The following ITPR1 variants were observed in gnomAD, a reference collection of about 807,000 sequenced individuals.
ITPR1 encodes the protein inositol 1,4,5-trisphosphate-gated calcium channel ITPR1.
In ITPR1, 96 loss-of-function variants were observed where a neutral mutation model predicts 318.4. That is an observed-to-expected ratio of 0.30 (90% CI 0.26 to 0.36). ITPR1 has a LOEUF of 0.36. Ranked by LOEUF, ITPR1 falls within the 10% of genes least tolerant of loss-of-function variation. ITPR1 has a pLI of 1.00. For missense variants in ITPR1, 2,440 were observed against 3,460.2 expected, an observed-to-expected ratio of 0.71 and a Z score of 7.40; for synonymous variants, 1,312 against 1,289.9, an observed-to-expected ratio of 1.02 and a Z score of -0.37.
At chr3:4,612,856 C>T (rs1295236498) in intron 4 of ITPR1, among the ~76,000 whole-genome samples, 1 of 152,190 alleles carries the variant, frequency 6.6e-6, no homozygotes, top group Non-Finnish European at 1.5e-5. Flanking sequence ...TCCTGCACTC[C>T]AGCCTGGGTG....
In ITPR1 at chr3:4,721,172, GTATA is replaced by G. The variant is rs5846332; in HGVS notation, c.5136+3801_5136+3804del. Among the ~76,000 whole-genome samples, 353 of 125,064 alleles carry G rather than the reference GTATA, an allele frequency of 2.8e-3. 15 individuals are homozygous for G. The highest frequency in any genetic ancestry group is 0.026 in the South Asian group (105 of 4,000). The allele number at this position is 125,064 out of a possible 152,430, so 82.0% of individuals were successfully genotyped here. A position where few individuals can be genotyped will look rare whatever the true frequency, so the allele number is the denominator to read the frequency against. On this transcript the variant is annotated intron_variant, in intron 40 of 61. Transcript: ENST00000649015. ...TGTGTGTAGATACGTGTGTGTGCGT[GTATA>G]TATATATATATATATATATATATAT... is the stretch of plus-strand genomic sequence containing the variant.
At chr3:4,605,356 C>T (rs192767005) in intron 4 of ITPR1, among the ~76,000 whole-genome samples, 3 of 152,196 alleles carry the variant, frequency 2.0e-5, no homozygotes, top group African/African-American at 7.2e-5. Flanking sequence ...AGTACCTGAT[C>T]CTAAGCCAGA....
In ITPR1 at chr3:4,683,703, A is replaced by C; in HGVS notation, c.3403A>C (p.Ile1135Leu). 6.2e-7 allele frequency: 1 copy of C among 1,614,080 alleles called. No homozygotes were observed. The highest frequency in any genetic ancestry group is 8.5e-7 in the Non-Finnish European group (1 of 1,179,896). ...IKQDLDQLRS[I>L]VEKSELWVYK... is the part of the protein sequence containing the mutation. ...ACAAGACTTGGATCAACTGAGGTCCATCGTGGAAAAGTCAGAGCTTTGGGT... is the reference window on the plus strand; with the variant it reads ...ACAAGACTTGGATCAACTGAGGTCCCTCGTGGAAAAGTCAGAGCTTTGGGT... The change falls in exon 28 of 62, where the codon ATC becomes CTC. Residue 1135 changes from isoleucine (I) to leucine (L), a missense_variant. Coordinates refer to ENST00000649015, the MANE Select transcript of ITPR1 (RefSeq NM_001378452.1).
chr3:4,846,269 T>C lies in ITPR1; in HGVS notation c.*44T>C. Reference sequence around the variant, plus strand: ...TTGTATTTACCTTTTATAATTATTATTAGTGTGGGTATGGCTAATGAGTTC... The same window carrying C: ...TTGTATTTACCTTTTATAATTATTACTAGTGTGGGTATGGCTAATGAGTTC... On this transcript the variant is annotated 3_prime_UTR_variant, in exon 62 of 62. Coordinates refer to ENST00000649015, the MANE Select transcript of ITPR1 (RefSeq NM_001378452.1). 1 of 1,321,112 alleles carries C rather than the reference T, an allele frequency of 7.6e-7. No individual in the cohort carries two copies. The highest frequency in any genetic ancestry group is 1.1e-6 in the Non-Finnish European group (1 of 938,860). The allele number at this position is 1,321,112 out of a possible 1,614,324, so 81.8% of individuals were successfully genotyped here.
intron 4 of ITPR1, among the ~76,000 whole-genome samples, chr3:4,607,879 A>G (rs749889423): frequency 1.2e-4 from 18 of 152,086 alleles, no homozygotes; most frequent in Non-Finnish European, 2.2e-4. Flanking sequence ...AGTAATGGGT[A>G]AGTTGCATAT....
At chr3:4,525,973 T>C (rs1169097461) in intron 4 of ITPR1, among the ~76,000 whole-genome samples, 1 of 152,198 alleles carries the variant, frequency 6.6e-6, no homozygotes, top group African/African-American at 2.4e-5. Context: ...TCCAGGGTTG[T>C]TGGAGTAGAA....
At chr3:4,841,663 G>C (rs939976969) in intron 61 of ITPR1, among the ~76,000 whole-genome samples, 1 of 152,210 alleles carries the variant, frequency 6.6e-6, no homozygotes, top group Admixed American at 6.5e-5. Flanking sequence ...ATGGAGAAAA[G>C]GGAGTGATTT....
At chr3:4,651,106 A>C (rs1436129694) in intron 10 of ITPR1, among the ~76,000 whole-genome samples, 2 of 152,184 alleles carry the variant, frequency 1.3e-5, no homozygotes, top group Non-Finnish European at 2.9e-5. Flanking sequence ...AGGGTGTTCC[A>C]CATGATCCCT....
At chr3:4,512,171 T>A (rs570875389) in intron 2 of ITPR1, among the ~76,000 whole-genome samples, 4 of 152,214 alleles carry the variant, frequency 2.6e-5, no homozygotes, top group African/African-American at 9.6e-5. Flanking sequence ...TTTGTAGAAA[T>A]GGGGTCTGGC....
chr3:4,525,793 G>A (rs925203146), intron 4 of ITPR1, among the ~76,000 whole-genome samples: 4 of 152,172 alleles, frequency 2.6e-5, no homozygotes, highest in South Asian at 2.1e-4. Context: ...AAACTTTGTG[G>A]TTAGTGAATT....
intron 4 of ITPR1, among the ~76,000 whole-genome samples, chr3:4,600,434 C>T: frequency 6.6e-6 from 1 of 152,048 alleles, no homozygotes; most frequent in Non-Finnish European, 1.5e-5. Context: ...TCTTTGAGGG[C>T]CCACAGGCTG....
chr3:4,717,082 A>G (rs866620740), intron 39 of ITPR1, among the ~76,000 whole-genome samples: 1 of 152,216 alleles, frequency 6.6e-6, no homozygotes, highest in Non-Finnish European at 1.5e-5. Context: ...TTTCATGTCC[A>G]CAAGCAAGCA....
chr3:4,697,293 G>A (rs1014721854), intron 34 of ITPR1, 21 bp downstream of exon 34: 15 of 1,547,602 alleles, frequency 9.7e-6, no homozygotes, highest in Non-Finnish European at 1.3e-5. Flanking sequence ...TGGAACTGAG[G>A]AGGCAGAGTT....
chr3:4,790,417 AAC>A (rs1559901683), intron 52 of ITPR1, among the ~76,000 whole-genome samples: 1 of 152,178 alleles, frequency 6.6e-6, no homozygotes, highest in Non-Finnish European at 1.5e-5. Context: ...TTTTTTGAAA[AAC>A]AGTTTTCATT....
chr3:4,686,062 C>T (rs2094388936), intron 30 of ITPR1, among the ~76,000 whole-genome samples: 1 of 152,172 alleles, frequency 6.6e-6, no homozygotes, highest in African/African-American at 2.4e-5. Flanking sequence ...ACATTATTAG[C>T]TCATGCCATC....
chr3:4,622,417 ACTTT>A lies in ITPR1; in HGVS notation c.164-5329_164-5326del, dbSNP rs559185954. Among the ~76,000 whole-genome samples, 15 of 148,830 alleles carry A rather than the reference ACTTT, an allele frequency of 1.0e-4. 1 individual carries two copies. Among genetic ancestry groups the A allele is most frequent in the East Asian group, 2.0e-4 (1 of 5,068 alleles). Reference sequence around the variant, plus strand: ...CATAAGCCACTGCGGCCAGCCTTTGACTTTCTTTCTTTCTTTCTTTATTTTGAGA... The same window carrying A: ...CATAAGCCACTGCGGCCAGCCTTTGACTTTCTTTCTTTCTTTATTTTGAGA... On this transcript the variant is annotated intron_variant, in intron 4 of 61. Coordinates refer to ENST00000649015, the MANE Select transcript of ITPR1 (RefSeq NM_001378452.1).
At chr3:4,533,653 C>G (rs879301826) in intron 4 of ITPR1, among the ~76,000 whole-genome samples, 9 of 152,188 alleles carry the variant, frequency 5.9e-5, no homozygotes, top group Non-Finnish European at 1.0e-4. Context: ...AAAAACTCAG[C>G]CAGTGGAGTA....
intron 60 of ITPR1, among the ~76,000 whole-genome samples, chr3:4,820,910 G>C (rs1043382006): frequency 2.0e-5 from 3 of 152,194 alleles, no homozygotes. Context: ...GGGGGCTGGG[G>C]CCCCATGGGA....
chr3:4,708,371 G>A (rs1391561007), intron 37 of ITPR1, among the ~76,000 whole-genome samples: 2 of 152,206 alleles, frequency 1.3e-5, no homozygotes, highest in African/African-American at 4.8e-5. Context: ...GCTCTTATGA[G>A]CAAAGGAAGT....
Sources: allele counts gnomAD v4.1 joint callset (sites outside exome capture counted in the v4.1 genomes callset), GRCh38; gene constraint gnomAD v4.1.1; transcripts MANE v1.5; gene names NCBI Gene and HGNC (gene_info 2026-07-23, HGNC 2026-07-21).